The following CCNA1 variants were observed in gnomAD, a reference collection of about 807,000 sequenced individuals.
CCNA1 encodes cyclin A1, also known as cyclin-A1.
Under a neutral mutation model 54.1 loss-of-function variants are expected in CCNA1, and 23 were observed. That is an observed-to-expected ratio of 0.42 (90% CI 0.31 to 0.60). The LOEUF (loss-of-function observed/expected upper bound fraction) is 0.60. CCNA1 is among the 20% of genes least tolerant of loss of function. The pLI is 0.14. For missense variants in CCNA1, 450 were observed against 556.7 expected, an observed-to-expected ratio of 0.81 and a Z score of 1.93; for synonymous variants, 208 against 213.9, an observed-to-expected ratio of 0.97 and a Z score of 0.24.
upstream of CCNA1, chr13:36,432,302 C>A (rs1032940635): frequency 1.6e-5 from 5 of 314,128 alleles, no homozygotes; most frequent in Non-Finnish European, 2.9e-5. Flanking sequence ...TCAGCCGCAT[C>A]GCTAAGCCCG....
At chr13:36,440,613 A>C (rs566760211) in intron 6 of CCNA1, among the ~76,000 whole-genome samples, 32 of 152,346 alleles carry the variant, frequency 2.1e-4, no homozygotes, top group African/African-American at 6.0e-4. Flanking sequence ...TGCTTTGGTC[A>C]ACTGGGTTTC....
chr13:36,432,674 G>A lies in CCNA1; in HGVS notation c.53G>A (p.Trp18Ter), dbSNP rs1374281792. 4 of 1,612,190 alleles carry A rather than the reference G, an allele frequency of 2.5e-6. No individual in the cohort carries two copies. The highest frequency in any genetic ancestry group is 3.4e-6 in the Non-Finnish European group (4 of 1,179,292). Residue 18 changes from tryptophan (W) to a stop codon, truncating the protein, a stop_gained, in exon 1 of 9, where the codon TGG (tryptophan) becomes TAG (stop). An upstream open reading frame in the 5' UTR gains an earlier in-frame stop. Coordinates refer to ENST00000255465, the MANE Select transcript of CCNA1 (RefSeq NM_003914.4). LOFTEE classifies it high-confidence loss of function. ...TACCCTGGATCTTTTATTGGGGGCT[G>A]GGGAGAAGAGTATCTCAGCTGGGAA...
chr13:36,436,880 G>A (rs972456084), intron 2 of CCNA1, among the ~76,000 whole-genome samples: 4 of 152,180 alleles, frequency 2.6e-5, no homozygotes, highest in Non-Finnish European at 5.9e-5. Context: ...TATAGCTCAG[G>A]TTCATAGAGC....
chr13:36,439,016 TTGAC>T (rs2055843953), intron 5 of CCNA1, 149 bp downstream of exon 5: 1 of 646,140 alleles, frequency 1.5e-6, no homozygotes, highest in South Asian at 1.9e-5. Flanking sequence ...CTTCACAGGA[TTGAC>T]TGAGAAACTG....
In CCNA1 at chr13:36,433,142, C is replaced by T; in HGVS notation, c.218C>T (p.Pro73Leu). 3 of 1,614,208 alleles carry T rather than the reference C, an allele frequency of 1.9e-6. No homozygotes were observed. Among genetic ancestry groups the T allele is most frequent in the Non-Finnish European group, 1.7e-6 (2 of 1,180,036 alleles). The change falls in exon 2 of 9, where the codon CCG (proline) becomes CTG (leucine). Residue 73 changes from proline (P) to leucine (L), a missense_variant. Physicochemically the swap from Pro to Leu is moderately conservative, Grantham distance 98. Coordinates refer to ENST00000255465, the MANE Select transcript of CCNA1 (RefSeq NM_003914.4). ...GCTTGTCAGATACTCACCAGAGCCC[C>T]GCTGGGCCAGGATCCCCCGCAGAGG...
At chr13:36,432,444 T>TTCCCC (rs2055723231), upstream of CCNA1, 2 of 77,564 alleles carry the variant, frequency 2.6e-5, no homozygotes, top group Non-Finnish European at 4.3e-5. Context: ...TGCCCCGCCC[T>TTCCCC]GCCCCGCCCA....
chr13:36,438,228 C>T, intron 4 of CCNA1, 37 bp downstream of exon 4: 1 of 1,582,404 alleles, frequency 6.3e-7, no homozygotes, highest in Non-Finnish European at 8.6e-7. Flanking sequence ...TCTTCAGGAC[C>T]CGAGCTCTTA....
At chr13:36,432,281 G>A (rs998805703), upstream of CCNA1, 13 of 259,268 alleles carry the variant, frequency 5.0e-5, no homozygotes, top group Admixed American at 1.5e-4. Flanking sequence ...CAACAGACGC[G>A]GGTGGGCAGC....
Position 36,432,907 on chromosome 13 carries a change from G to T in CCNA1, c.109-126G>T, listed in dbSNP as rs543610862. 1.3e-4 allele frequency: 137 copies of T among 1,021,800 alleles called. 1 individual carries two copies. The highest frequency in any genetic ancestry group is 1.9e-4 in the Non-Finnish European group (131 of 673,288). The allele number at this position is 1,021,800 out of a possible 1,614,324, so 63.3% of individuals were successfully genotyped here. On this transcript the variant is annotated intron_variant, in intron 1 of 8. Transcript: ENST00000255465. ...GCCCTTTCAGCCCCAATAATTACTG[G>T]GAAGATCAGCAATTGGTGTTAGTCC... is the stretch of plus-strand genomic sequence containing the variant.
chr13:36,442,017 T>G (rs914884289), intron 7 of CCNA1, among the ~76,000 whole-genome samples, 154 bp from the exon 8 acceptor site: 3 of 152,214 alleles, frequency 2.0e-5, no homozygotes, highest in African/African-American at 7.2e-5. Context: ...CTTTCTGATA[T>G]TTTACATCTA....
At chr13:36,436,752 A>G (rs2055810292) in intron 2 of CCNA1, among the ~76,000 whole-genome samples, 1 of 152,224 alleles carries the variant, frequency 6.6e-6, no homozygotes, top group Admixed American at 6.5e-5. Context: ...TAACTTGATA[A>G]ATAAAAGGGA....
rs542333033 is a variant in CCNA1 at position 36,437,135 on chromosome 13, C to G, written c.298-494C>G. ...ATTTAGCAGCATCAGTTTCCAAAAT[C>G]GTGTTTCTTAATAAGTGGATATAAA... On this transcript the variant is annotated intron_variant, in intron 2 of 8. Coordinates refer to ENST00000255465, the MANE Select transcript of CCNA1 (RefSeq NM_003914.4). Among the ~76,000 whole-genome samples, 97 of 152,236 alleles carry G rather than the reference C, an allele frequency of 6.4e-4. 2 individuals carry two copies. Among genetic ancestry groups the G allele is most frequent in the South Asian group, 2.5e-3 (12 of 4,828 alleles).
chr13:36,437,680 G>T lies in CCNA1; in HGVS notation c.349G>T (p.Ala117Ser), dbSNP rs2055822298. ...TGGATCAGAAAATGCCTTCCCTCCA[G>T]CTGGAAAGAAAGCACTCCCTGACTG... The change falls in exon 3 of 9, where the codon GCT (alanine) becomes TCT (serine). Residue 117 changes from alanine to serine, a missense_variant. Physicochemically the swap from Ala to Ser is moderately conservative, Grantham distance 99. Transcript: ENST00000255465. 6.2e-7 allele frequency: 1 copy of T among 1,613,950 alleles called. No individual in the cohort carries two copies. Among genetic ancestry groups the T allele is most frequent in the African/African-American group, 1.3e-5 (1 of 74,894 alleles).
chr13:36,433,619 C>T (rs1275897760), intron 2 of CCNA1, among the ~76,000 whole-genome samples: 1 of 148,832 alleles, frequency 6.7e-6, no homozygotes, highest in Non-Finnish European at 1.5e-5. Context: ...CGGCTCACTG[C>T]AACCTCCACC....
intron 1 of CCNA1, 123 bp from the exon 2 acceptor site, chr13:36,432,910 A>G (rs2055733307): frequency 4.9e-6 from 5 of 1,021,546 alleles, no homozygotes; most frequent in Non-Finnish European, 7.4e-6. Context: ...ATTACTGGGA[A>G]GATCAGCAAT....
intron 5 of CCNA1, among the ~76,000 whole-genome samples, chr13:36,439,756 T>A (rs1270790636): frequency 6.6e-6 from 1 of 152,214 alleles, no homozygotes; most frequent in Non-Finnish European, 1.5e-5. Flanking sequence ...TTTCTGTTAC[T>A]ACTCCTAGCA....
rs1566168719 is a variant in CCNA1, at chr13:36,432,666, T to C, written c.45T>C (p.Ile15=). ...CAATCATGTACCCTGGATCTTTTATTGGGGGCTGGGGAGAAGAGTATCTCA... is the reference window on the plus strand; with the variant it reads ...CAATCATGTACCCTGGATCTTTTATCGGGGGCTGGGGAGAAGAGTATCTCA... Residue 15 remains isoleucine (I), a synonymous_variant, in exon 1 of 9, where the codon ATT becomes ATC. Coordinates refer to ENST00000255465, the MANE Select transcript of CCNA1 (RefSeq NM_003914.4). 6.2e-7 allele frequency: 1 copy of C among 1,610,590 alleles called. No individual in the cohort carries two copies. The highest frequency in any genetic ancestry group is 1.7e-5 in the Admixed American group (1 of 59,384).
intron 2 of CCNA1, 99 bp downstream of exon 2, chr13:36,433,320 C>T (rs566754393): frequency 1.4e-6 from 1 of 725,836 alleles, no homozygotes. Context: ...ACAACTCCCC[C>T]TGAGTATTAC....
chr13:36,440,734 G>A (rs1302808903), intron 6 of CCNA1, among the ~76,000 whole-genome samples: 1 of 152,178 alleles, frequency 6.6e-6, no homozygotes, highest in Non-Finnish European at 1.5e-5. Flanking sequence ...CACTGGTGCT[G>A]TCCTAGTCTC....
Sources: allele counts gnomAD v4.1 joint callset (sites outside exome capture counted in the v4.1 genomes callset), GRCh38; gene constraint gnomAD v4.1.1; transcripts MANE v1.5; gene names NCBI Gene and HGNC (gene_info 2026-07-23, HGNC 2026-07-21).